The following HS3ST2 variants were observed in gnomAD, a reference collection of about 807,000 sequenced individuals.
The protein encoded by HS3ST2 is heparan sulfate glucosamine 3-O-sulfotransferase 2.
Under a neutral mutation model 26.3 loss-of-function variants are expected in HS3ST2, and 17 were observed. The ratio of observed to expected loss-of-function variants is 0.65; its 90% confidence interval spans 0.44 to 0.97. HS3ST2 has a LOEUF of 0.97. HS3ST2 is among the 50% of genes least tolerant of loss of function. The pLI is 0.00. For synonymous variants in HS3ST2, 237 were observed against 219.2 expected (o/e 1.08, Z -0.72); for missense variants, 402 against 501.2 (o/e 0.80, Z 1.89).
chr16:22,832,179 T>TTTTTTTTTTTTTTTTGG (rs1901180842), intron 1 of HS3ST2, among the ~76,000 whole-genome samples: 1 of 147,430 alleles, frequency 6.8e-6, no homozygotes, highest in African/African-American at 2.5e-5. Flanking sequence ...TAATTTTTAG[T>TTTTTTTTTTTTTTTTGG]GGAGATAGGG....
intron 1 of HS3ST2, among the ~76,000 whole-genome samples, chr16:22,863,176 T>C (rs986393812): frequency 6.6e-6 from 1 of 152,246 alleles, no homozygotes; most frequent in Non-Finnish European, 1.5e-5. Context: ...TTGAGAATGA[T>C]ATACTTCCAG....
chr16:22,852,902 T>TCC (rs1901537266), intron 1 of HS3ST2, among the ~76,000 whole-genome samples: 8 of 152,100 alleles, frequency 5.3e-5, no homozygotes, highest in Non-Finnish European at 1.2e-4. Context: ...TTTTACGTAG[T>TCC]CTTGGTTTCC....
At chr16:22,913,776 G>A (rs766118395) in intron 1 of HS3ST2, among the ~76,000 whole-genome samples, 1 of 152,158 alleles carries the variant, frequency 6.6e-6, no homozygotes, top group Non-Finnish European at 1.5e-5. Context: ...CAAGGCAGGA[G>A]GATCACTTGA....
intron 1 of HS3ST2, among the ~76,000 whole-genome samples, chr16:22,903,750 G>A (rs1033726590): frequency 6.6e-6 from 1 of 152,174 alleles, no homozygotes; most frequent in Non-Finnish European, 1.5e-5. Context: ...TTGTCACACA[G>A]CAGGACTAGG....
Position 22,837,119 on chromosome 16 carries a change from GTT to G in HS3ST2, c.485+22035_485+22036del, listed in dbSNP as rs11435002. Among the ~76,000 whole-genome samples, 430 of 147,190 alleles carry G rather than the reference GTT, an allele frequency of 2.9e-3. 2 individuals are homozygous for G. Among genetic ancestry groups the G allele is most frequent in the African/African-American group, 8.9e-3 (356 of 40,180 alleles). ...TTTTCCCTTCCTGGATGCCTATACA[GTT>G]TTTTTTTTTTCCATTATTTAAATAG... On this transcript the variant is annotated intron_variant, in intron 1 of 1. Transcript: ENST00000261374.
rs183852842 is a variant in HS3ST2 at position 22,875,319 on chromosome 16, T to A, written c.486-39625T>A. Among the ~76,000 whole-genome samples, 329 of 152,138 alleles carry A rather than the reference T, an allele frequency of 2.2e-3. 3 individuals carry two copies. Among genetic ancestry groups the A allele is most frequent in the African/African-American group, 7.6e-3 (317 of 41,534 alleles). ...ATAAAGTAAAAATGTTATAGTGAGC[T>A]CAGATTCACTCACACACTTGTTATT... On this transcript the variant is annotated intron_variant, in intron 1 of 1. Coordinates refer to ENST00000261374, the MANE Select transcript of HS3ST2 (RefSeq NM_006043.2).
intron 1 of HS3ST2, among the ~76,000 whole-genome samples, chr16:22,858,996 T>A (rs1345002960): frequency 1.3e-5 from 2 of 152,068 alleles, no homozygotes; most frequent in Admixed American, 1.3e-4. Context: ...CGAGACCCTG[T>A]CTCTACAAAA....
chr16:22,900,731 G>A (rs1902272748), intron 1 of HS3ST2, among the ~76,000 whole-genome samples: 1 of 152,146 alleles, frequency 6.6e-6, no homozygotes, highest in African/African-American at 2.4e-5. Context: ...GTTTCAACAA[G>A]CAGGGAGTGG....
chr16:22,880,307 C>T (rs1371652105), intron 1 of HS3ST2, among the ~76,000 whole-genome samples: 1 of 152,146 alleles, frequency 6.6e-6, no homozygotes, highest in African/African-American at 2.4e-5. Context: ...GTCCCAGCTA[C>T]ATGGGAGGCT....
rs75027078 is a variant in HS3ST2, at chr16:22,864,262, C to T, written c.485+49167C>T. Among the ~76,000 whole-genome samples, 32 of 152,248 alleles carry T rather than the reference C, an allele frequency of 2.1e-4. No individual in the cohort carries two copies. In the East Asian group the frequency reaches 6.2e-3, roughly 29 times the overall value. On this transcript the variant is annotated intron_variant, in intron 1 of 1. Transcript: ENST00000261374. ...TCAGTGACTGTCTTAATCAAGGATC[C>T]TCTGGCTGCAAAGAGTAGAAACATA...
chr16:22,837,217 C>T (rs1901270650), intron 1 of HS3ST2, among the ~76,000 whole-genome samples: 2 of 151,158 alleles, frequency 1.3e-5, no homozygotes, highest in South Asian at 4.2e-4. Flanking sequence ...CCTATGTCCT[C>T]CTGGGCAACT....
At chr16:22,828,582 G>A (rs996759227) in intron 1 of HS3ST2, among the ~76,000 whole-genome samples, 2 of 152,204 alleles carry the variant, frequency 1.3e-5, no homozygotes, top group Non-Finnish European at 2.9e-5. Flanking sequence ...CTGCTTTGAT[G>A]GTTTTAATAA....
intron 1 of HS3ST2, among the ~76,000 whole-genome samples, chr16:22,891,894 A>G (rs1185311629): frequency 6.6e-6 from 1 of 152,158 alleles, no homozygotes; most frequent in Non-Finnish European, 1.5e-5. Flanking sequence ...TCGAATTTAT[A>G]AGTGCACAGG....
chr16:22,899,972 T>C (rs534679827), intron 1 of HS3ST2, among the ~76,000 whole-genome samples: 1 of 152,316 alleles, frequency 6.6e-6, no homozygotes, highest in South Asian at 2.1e-4. Flanking sequence ...GAACCAGCCT[T>C]TGATTTCAGG....
intron 1 of HS3ST2, chr16:22,854,656 T>G (rs955246499): frequency 7.4e-6 from 1 of 135,460 alleles, no homozygotes; most frequent in Non-Finnish European, 1.5e-5. Context: ...TTTTTTTTTT[T>G]GAGACAGGGT....
At chr16:22,896,337 T>C (rs1157826609) in intron 1 of HS3ST2, among the ~76,000 whole-genome samples, 1 of 152,238 alleles carries the variant, frequency 6.6e-6, no homozygotes, top group Non-Finnish European at 1.5e-5. Flanking sequence ...TTCTTTTGCC[T>C]TCACAGGCAC....
intron 1 of HS3ST2, among the ~76,000 whole-genome samples, chr16:22,903,618 C>T (rs936290213): frequency 3.9e-5 from 6 of 152,148 alleles, no homozygotes; most frequent in African/African-American, 1.4e-4. Context: ...ATTCCCGAGG[C>T]AAGTGTTTAC....
intron 1 of HS3ST2, among the ~76,000 whole-genome samples, chr16:22,825,360 CCTT>C: frequency 6.6e-6 from 1 of 152,174 alleles, no homozygotes; most frequent in Non-Finnish European, 1.5e-5. Context: ...CTTCATCATA[CCTT>C]TATTCAGCAG....
chr16:22,874,920 A>G (rs1023358912), intron 1 of HS3ST2, among the ~76,000 whole-genome samples: 20 of 152,182 alleles, frequency 1.3e-4, no homozygotes, highest in Non-Finnish European at 5.9e-5. Flanking sequence ...AATCACATAC[A>G]GGGAAGGGCA....
Sources: allele counts gnomAD v4.1 joint callset (sites outside exome capture counted in the v4.1 genomes callset), GRCh38; gene constraint gnomAD v4.1.1; transcripts MANE v1.5; gene names NCBI Gene and HGNC (gene_info 2026-07-23, HGNC 2026-07-21).